The following RBMS3 variants were observed in gnomAD, a reference collection of about 807,000 sequenced individuals.
The protein encoded by RBMS3 is RNA-binding motif, single-stranded-interacting protein 3.
In RBMS3, 27 loss-of-function variants were observed where a neutral mutation model predicts 66.8. The observed-to-expected ratio is 0.40, with a 90% CI of 0.30 to 0.56. The LOEUF (loss-of-function observed/expected upper bound fraction) is 0.56. RBMS3 is among the 20% of genes least tolerant of loss of function. The pLI, the probability that RBMS3 is intolerant of heterozygous loss-of-function variation, is 0.40. For missense variants in RBMS3, 513 were observed against 549.5 expected, an observed-to-expected ratio of 0.93 and a Z score of 0.66; for synonymous variants, 188 against 183.0, an observed-to-expected ratio of 1.03 and a Z score of -0.22.
At chr3:29,475,705 G>T (rs2042923778) in intron 2 of RBMS3, among the ~76,000 whole-genome samples, 1 of 152,052 alleles carries the variant, frequency 6.6e-6, no homozygotes, top group Non-Finnish European at 1.5e-5. Flanking sequence ...TCTCCTAAAG[G>T]ATTATGGGAT....
intron 6 of RBMS3, among the ~76,000 whole-genome samples, chr3:29,861,448 C>A (rs529811157): frequency 3.2e-4 from 48 of 152,174 alleles, no homozygotes; most frequent in Admixed American, 2.9e-3. Flanking sequence ...TCACCACAGT[C>A]CAATACAAAC....
chr3:29,882,053 G>A (rs1014967832), intron 7 of RBMS3, among the ~76,000 whole-genome samples: 1 of 152,110 alleles, frequency 6.6e-6, no homozygotes, highest in Non-Finnish European at 1.5e-5. Context: ...TATTCTGCCT[G>A]CAGTGCCGCA....
chr3:29,866,430 A>C (rs112931029), intron 6 of RBMS3, among the ~76,000 whole-genome samples: 13 of 152,340 alleles, frequency 8.5e-5, no homozygotes, highest in African/African-American at 3.1e-4. Context: ...AATTGGAACC[A>C]GTTTCTTTAC....
chr3:29,410,035 A>G (rs527679980), intron 1 of RBMS3, among the ~76,000 whole-genome samples: 115 of 152,348 alleles, frequency 7.5e-4, no homozygotes, highest in African/African-American at 2.5e-3. Flanking sequence ...TACTAGAGTC[A>G]GGCAGCTCTC....
intron 4 of RBMS3, among the ~76,000 whole-genome samples, chr3:29,723,442 C>T (rs188798329): frequency 7.3e-4 from 111 of 152,242 alleles, no homozygotes; most frequent in African/African-American, 2.6e-3. Flanking sequence ...TAGTAATTCA[C>T]TTATATAAGA....
intron 3 of RBMS3, among the ~76,000 whole-genome samples, chr3:29,585,096 T>G (rs1272645640): frequency 6.6e-6 from 1 of 152,104 alleles, no homozygotes; most frequent in African/African-American, 2.4e-5. Flanking sequence ...GAACTGAGGT[T>G]TTCTCCCACC....
intron 2 of RBMS3, among the ~76,000 whole-genome samples, chr3:29,474,433 A>G (rs540109080): frequency 4.3e-4 from 66 of 152,384 alleles, no homozygotes; most frequent in African/African-American, 1.4e-3. Context: ...AAGAAAAAAG[A>G]AACACAGCTT....
At chr3:29,852,266 A>G (rs2058953914) in intron 6 of RBMS3, among the ~76,000 whole-genome samples, 1 of 152,196 alleles carries the variant, frequency 6.6e-6, no homozygotes, top group African/African-American at 2.4e-5. Flanking sequence ...AGATTTCATG[A>G]TGAAGATGCT....
intron 4 of RBMS3, among the ~76,000 whole-genome samples, chr3:29,721,773 G>A (rs2053653860): frequency 6.6e-6 from 1 of 152,180 alleles, no homozygotes; most frequent in Non-Finnish European, 1.5e-5. Context: ...CATGGGGATA[G>A]TAGAAGAGAA....
intron 4 of RBMS3, among the ~76,000 whole-genome samples, chr3:29,708,541 C>A (rs994677893): frequency 6.6e-6 from 1 of 152,174 alleles, no homozygotes; most frequent in Non-Finnish European, 1.5e-5. Context: ...GTATTAAAAG[C>A]TGTGCAAACT....
At chr3:29,438,976 G>C (rs746906025) in intron 2 of RBMS3, among the ~76,000 whole-genome samples, 27 of 152,140 alleles carry the variant, frequency 1.8e-4, no homozygotes, top group Non-Finnish European at 3.7e-4. Flanking sequence ...GTATCTCTGA[G>C]GAAGTGACAA....
At chr3:29,321,162 T>G (rs926528532) in intron 1 of RBMS3, among the ~76,000 whole-genome samples, 1 of 152,088 alleles carries the variant, frequency 6.6e-6, no homozygotes, top group Non-Finnish European at 1.5e-5. Flanking sequence ...ATAATTACCT[T>G]GCTTTAAGTG....
At chr3:29,398,886 G>C (rs2039678751) in intron 1 of RBMS3, among the ~76,000 whole-genome samples, 1 of 152,172 alleles carries the variant, frequency 6.6e-6, no homozygotes, top group African/African-American at 2.4e-5. Flanking sequence ...TCAGCTTTAA[G>C]AGGACGATTG....
chr3:29,739,422 C>T (rs921660121), intron 4 of RBMS3, among the ~76,000 whole-genome samples: 1 of 147,138 alleles, frequency 6.8e-6, no homozygotes, highest in Non-Finnish European at 1.5e-5. Context: ...CGCCACTGCA[C>T]TCCAGCCTGG....
At chr3:29,488,319 C>T (rs1292889788) in intron 2 of RBMS3, 122 bp from the exon 3 acceptor site, 4 of 688,196 alleles carry the variant, frequency 5.8e-6, no homozygotes, top group Admixed American at 5.4e-5. Context: ...AAATGGGAAT[C>T]CAGAGCTTGT....
chr3:29,559,552 A>AAAC, intron 3 of RBMS3, among the ~76,000 whole-genome samples: 1 of 142,768 alleles, frequency 7.0e-6, no homozygotes, highest in South Asian at 2.2e-4. Flanking sequence ...AAAAAAAAAA[A>AAAC]ACCTGACTAT....
At chr3:29,514,975 T>A (rs1280341986) in intron 3 of RBMS3, among the ~76,000 whole-genome samples, 1 of 151,954 alleles carries the variant, frequency 6.6e-6, no homozygotes, top group East Asian at 1.9e-4. Context: ...ATTTCACAGA[T>A]GAGGGTAATG....
chr3:30,008,758 T>A lies in RBMS3; in HGVS notation c.*4896T>A, dbSNP rs1448162875. Reference sequence around the variant, plus strand: ...AAGACAGTTGGGTCTGACTCAAGTTTAACATTTCTTACCAAACATTCTTAA... The same window carrying A: ...AAGACAGTTGGGTCTGACTCAAGTTAAACATTTCTTACCAAACATTCTTAA... On this transcript the variant is annotated 3_prime_UTR_variant, in exon 15 of 15. Transcript: ENST00000383767. 3 of 152,150 alleles carry A rather than the reference T, an allele frequency of 2.0e-5. No homozygotes were observed. 9.4% of individuals were successfully genotyped at this position (152,150 alleles called of 1,614,324 possible).
At chr3:29,288,025 A>T (rs1246826647) in intron 1 of RBMS3, among the ~76,000 whole-genome samples, 1 of 152,060 alleles carries the variant, frequency 6.6e-6, no homozygotes, top group Non-Finnish European at 1.5e-5. Flanking sequence ...TGGAATCACG[A>T]ATAAAATTTT....
Sources: gnomAD v4.1 joint callset for allele counts (sites outside exome capture counted in the v4.1 genomes callset) on GRCh38, gnomAD v4.1.1 for gene constraint, MANE v1.5 for transcripts, NCBI Gene and HGNC (gene_info 2026-07-23, HGNC 2026-07-21) for gene names.